Variants in AFF3 observed in about 807,000 individuals in gnomAD.
AFF3 encodes AF4/FMR2 family member 3.
Under a neutral mutation model 129.7 loss-of-function variants are expected in AFF3, and 32 were observed. That is an observed-to-expected ratio of 0.25 (90% CI 0.19 to 0.33). AFF3 has a LOEUF of 0.33. Among genes scored for constraint, AFF3 ranks in the 10% least tolerant of loss-of-function variants. The pLI is 1.00. For synonymous variants in AFF3, 644 were observed against 635.4 expected, an observed-to-expected ratio of 1.01 and a Z score of -0.20; for missense variants, 1,373 against 1,592.0, an observed-to-expected ratio of 0.86 and a Z score of 2.34.
chr2:99,649,812 G>C, intron 12 of AFF3, 146 bp from the exon 13 acceptor site: 1 of 797,778 alleles, frequency 1.3e-6, no homozygotes, highest in Non-Finnish European at 2.1e-6. Flanking sequence ...GAAGTAGAGA[G>C]CACTGTTGTA....
At chr2:100,007,554 T>C (rs572149471) in intron 5 of AFF3, 94 bp from the exon 6 acceptor site, 11 of 1,156,448 alleles carry the variant, frequency 9.5e-6, no homozygotes, top group African/African-American at 7.7e-5. Flanking sequence ...AGAGCCAGGG[T>C]TGTCACATGC....
At chr2:99,700,890 T>TGGTCACCTGCCTGACCTC (rs1204410496) in intron 11 of AFF3, among the ~76,000 whole-genome samples, 1 of 152,204 alleles carries the variant, frequency 6.6e-6, no homozygotes, top group Non-Finnish European at 1.5e-5. Context: ...GGGCTGGCCT[T>TGGTCACCTGCCTGACCTC]GGTCACCTGC....
chr2:100,138,724 C>A (rs961898522), intron 1 of AFF3, among the ~76,000 whole-genome samples: 4 of 151,984 alleles, frequency 2.6e-5, no homozygotes, highest in Non-Finnish European at 5.9e-5. Context: ...GGGGGCGCAT[C>A]ACCTGAGGTC....
At chr2:100,072,654 A>G (rs1688287482) in intron 4 of AFF3, among the ~76,000 whole-genome samples, 1 of 152,128 alleles carries the variant, frequency 6.6e-6, no homozygotes, top group African/African-American at 2.4e-5. Flanking sequence ...CAACAAACGG[A>G]AACATCTCTG....
At chr2:99,721,241 G>C (rs1678861513) in intron 11 of AFF3, among the ~76,000 whole-genome samples, 1 of 151,942 alleles carries the variant, frequency 6.6e-6, no homozygotes, top group East Asian at 1.9e-4. Context: ...TGATTATTTA[G>C]AATTCTGGGT....
At chr2:99,559,423 A>C (rs189198806) in intron 21 of AFF3, among the ~76,000 whole-genome samples, 2 of 152,326 alleles carry the variant, frequency 1.3e-5, no homozygotes. Flanking sequence ...GTACTTTATA[A>C]ACAACAAAAA....
At chr2:99,685,840 CT>C (rs1675000404) in intron 11 of AFF3, among the ~76,000 whole-genome samples, 1 of 152,144 alleles carries the variant, frequency 6.6e-6, no homozygotes, top group South Asian at 2.1e-4. Flanking sequence ...GGTGTCCATA[CT>C]GCTAAAGTGG....
intron 4 of AFF3, among the ~76,000 whole-genome samples, chr2:100,021,612 T>C (rs1021519522): frequency 3.3e-5 from 5 of 152,204 alleles, no homozygotes; most frequent in African/African-American, 7.2e-5. Flanking sequence ...AGAAAGTTTA[T>C]ATTTGTTATT....
intron 7 of AFF3, among the ~76,000 whole-genome samples, chr2:99,936,247 C>G (rs1271799808): frequency 6.6e-6 from 1 of 152,058 alleles, no homozygotes; most frequent in African/African-American, 2.4e-5. Flanking sequence ...CAGCTAATCC[C>G]CCATCTGAGG....
At chr2:100,000,429 T>G (rs1681275783) in intron 7 of AFF3, among the ~76,000 whole-genome samples, 2 of 152,124 alleles carry the variant, frequency 1.3e-5, no homozygotes, top group South Asian at 4.1e-4. Context: ...GTGATATTAA[T>G]CCAGGATAAT....
At chr2:100,078,942 TTC>T (rs1249801770) in intron 4 of AFF3, among the ~76,000 whole-genome samples, 3 of 138,412 alleles carry the variant, frequency 2.2e-5, no homozygotes, top group Admixed American at 7.0e-5. Context: ...GCTGAATATT[TTC>T]TTTTTTTTTT....
At chr2:99,894,221 A>C (rs997556182) in intron 7 of AFF3, among the ~76,000 whole-genome samples, 1 of 152,038 alleles carries the variant, frequency 6.6e-6, no homozygotes, top group Admixed American at 6.6e-5. Flanking sequence ...TTGAAAAAAA[A>C]AAAAGGAGGG....
intron 7 of AFF3, among the ~76,000 whole-genome samples, chr2:99,933,915 T>C (rs931865810): frequency 3.9e-5 from 6 of 152,156 alleles, no homozygotes; most frequent in Non-Finnish European, 8.8e-5. Context: ...AAGACAAGCT[T>C]CAACTCCAGT....
At chr2:100,045,847 T>A (rs185540273) in intron 4 of AFF3, among the ~76,000 whole-genome samples, 6 of 152,260 alleles carry the variant, frequency 3.9e-5, no homozygotes, top group African/African-American at 1.4e-4. Flanking sequence ...ATCTATCATA[T>A]ATTAACAGTA....
intron 4 of AFF3, among the ~76,000 whole-genome samples, chr2:100,052,016 C>T (rs1034623385): frequency 6.6e-6 from 1 of 152,136 alleles, no homozygotes; most frequent in Non-Finnish European, 1.5e-5. Flanking sequence ...CAAAGGGCCT[C>T]GGGATGTTCA....
At chr2:100,113,203 C>G (rs1333856284) in intron 2 of AFF3, among the ~76,000 whole-genome samples, 1 of 152,136 alleles carries the variant, frequency 6.6e-6, no homozygotes, top group Non-Finnish European at 1.5e-5. Flanking sequence ...TATTGATTTA[C>G]TGAACAAACA....
intron 11 of AFF3, among the ~76,000 whole-genome samples, chr2:99,706,731 G>A (rs987263494): frequency 2.0e-5 from 3 of 152,176 alleles, no homozygotes; most frequent in Non-Finnish European, 1.5e-5. Flanking sequence ...CCATTAGGCC[G>A]ATTTTTTGTT....
intron 7 of AFF3, among the ~76,000 whole-genome samples, chr2:99,946,434 A>C (rs916532752): frequency 2.2e-5 from 3 of 136,678 alleles, no homozygotes; most frequent in Admixed American, 8.5e-5. Context: ...CAATCACACC[A>C]CTGCACTCCA....
At chr2:99,886,512 G>C (rs1018016156) in intron 7 of AFF3, among the ~76,000 whole-genome samples, 4 of 151,970 alleles carry the variant, frequency 2.6e-5, no homozygotes, top group Non-Finnish European at 4.4e-5. Flanking sequence ...CTCTGCCTGA[G>C]AGCAGAGCTA....
Sources: gnomAD v4.1 joint callset for allele counts (sites outside exome capture counted in the v4.1 genomes callset) on GRCh38, gnomAD v4.1.1 for gene constraint, MANE v1.5 for transcripts, NCBI Gene and HGNC (gene_info 2026-07-23, HGNC 2026-07-21) for gene names.